The following TMEM135 variants were observed in gnomAD, a reference collection of about 807,000 sequenced individuals.
TMEM135 encodes the protein peroxisomal membrane protein 52.
A neutral mutation model predicts 60.3 loss-of-function variants in TMEM135; 30 were observed. The observed-to-expected ratio is 0.50, with a 90% confidence interval of 0.37 to 0.68. The LOEUF (loss-of-function observed/expected upper bound fraction) is 0.68, where lower values mean the gene tolerates loss of function less well. TMEM135 is among the 30% of genes least tolerant of loss of function. The probability of loss-of-function intolerance (pLI) is 0.00; values close to 1 mark genes in which losing one functional copy is unlikely to be tolerated. For synonymous variants in TMEM135, 190 were observed against 186.7 expected (o/e 1.02, Z -0.14); for missense variants, 468 against 548.8 (o/e 0.85, Z 1.47).
At chr11:87,112,433 T>C (rs759125901) in intron 4 of TMEM135, among the ~76,000 whole-genome samples, 5 of 152,162 alleles carry the variant, frequency 3.3e-5, no homozygotes, top group Non-Finnish European at 7.4e-5. Context: ...AGAGTTTTTA[T>C]CATTTGTATG....
chr11:87,056,351 T>C (rs1275437094), intron 1 of TMEM135, among the ~76,000 whole-genome samples: 1 of 152,172 alleles, frequency 6.6e-6, no homozygotes, highest in Non-Finnish European at 1.5e-5. Flanking sequence ...TGAACACCTC[T>C]AACACCTCTG....
At chr11:87,129,213 A>ATTTTTTTTTTTTTTTTTTTTTTTT (rs71040295) in intron 4 of TMEM135, among the ~76,000 whole-genome samples, 5 of 116,266 alleles carry the variant, frequency 4.3e-5, no homozygotes, top group Non-Finnish European at 7.5e-5. Flanking sequence ...TTATTCCTTA[A>ATTTTTTTTTTTTTTTTTTTTTTTT]TTTTTTTTTT....
rs377703798 is a variant in TMEM135, at chr11:87,071,284, G to T, written c.270-239G>T. 1.2e-4 allele frequency among the ~76,000 whole-genome samples: 18 copies of T among 152,276 alleles called. 1 individual carries two copies. Among genetic ancestry groups the T allele is most frequent in the African/African-American group, 4.3e-4 (18 of 41,566 alleles). ...TAAGGGAAACAAAGTTGAGGATGACGCCTGTCAAACATAAGTGGATAGGTG... is the reference window on the plus strand; with the variant it reads ...TAAGGGAAACAAAGTTGAGGATGACTCCTGTCAAACATAAGTGGATAGGTG... On this transcript the variant is annotated intron_variant, in intron 2 of 14. Coordinates refer to ENST00000305494, the MANE Select transcript of TMEM135 (RefSeq NM_022918.4).
chr11:87,228,203 G>A (rs914697010), intron 5 of TMEM135, among the ~76,000 whole-genome samples: 2 of 152,150 alleles, frequency 1.3e-5, no homozygotes, highest in Admixed American at 1.3e-4. Context: ...CAAGAATCAA[G>A]TATTAGGTAG....
intron 4 of TMEM135, among the ~76,000 whole-genome samples, chr11:87,147,605 C>T (rs1229026880): frequency 1.3e-5 from 2 of 152,136 alleles, no homozygotes; most frequent in African/African-American, 4.8e-5. Flanking sequence ...CTGTTATCAC[C>T]TCAGCATACA....
chr11:87,252,086 G>A (rs1186983075), intron 6 of TMEM135, among the ~76,000 whole-genome samples: 1 of 151,966 alleles, frequency 6.6e-6, no homozygotes, highest in Non-Finnish European at 1.5e-5. Flanking sequence ...AAAAAGATAG[G>A]GCCATTTGCT....
intron 1 of TMEM135, among the ~76,000 whole-genome samples, chr11:87,063,667 A>G (rs1395205623): frequency 6.6e-6 from 1 of 152,196 alleles, no homozygotes; most frequent in Non-Finnish European, 1.5e-5. Flanking sequence ...GGCCTGGCTA[A>G]CTAGACTACT....
At chr11:87,043,270 T>C (rs1949766672) in intron 1 of TMEM135, among the ~76,000 whole-genome samples, 1 of 152,038 alleles carries the variant, frequency 6.6e-6, no homozygotes, top group Non-Finnish European at 1.5e-5. Flanking sequence ...CTGTAGTTTT[T>C]TTAAAAAGCA....
chr11:87,311,107 C>CTATA (rs10572803), intron 10 of TMEM135, among the ~76,000 whole-genome samples: 1 of 148,480 alleles, frequency 6.7e-6, no homozygotes, highest in African/African-American at 2.5e-5. Flanking sequence ...ATATATATGT[C>CTATA]TATATATATA....
intron 1 of TMEM135, among the ~76,000 whole-genome samples, chr11:87,059,307 C>CTTTT (rs774797136): frequency 8.3e-4 from 112 of 134,644 alleles, no homozygotes; most frequent in Non-Finnish European, 1.6e-3. Context: ...GTTTGAAGTT[C>CTTTT]TTTTTTTTTT....
At chr11:87,101,727 C>A (rs1024239953) in intron 4 of TMEM135, among the ~76,000 whole-genome samples, 1 of 152,160 alleles carries the variant, frequency 6.6e-6, no homozygotes, top group African/African-American at 2.4e-5. Flanking sequence ...ATAATCCCAG[C>A]ACTTTGGGAG....
chr11:87,282,567 A>G (rs1475445391), intron 6 of TMEM135, among the ~76,000 whole-genome samples: 1 of 152,126 alleles, frequency 6.6e-6, no homozygotes, highest in Non-Finnish European at 1.5e-5. Flanking sequence ...CATCCGGCCA[A>G]CACTGGTTTC....
intron 4 of TMEM135, among the ~76,000 whole-genome samples, chr11:87,103,132 A>G (rs1037346771): frequency 2.6e-5 from 4 of 152,204 alleles, no homozygotes; most frequent in African/African-American, 9.6e-5. Flanking sequence ...TGGAGTGAAC[A>G]TGGGAATGAA....
chr11:87,112,766 T>A (rs2512333), intron 4 of TMEM135, among the ~76,000 whole-genome samples: 83,355 of 151,664 alleles, frequency 0.55, 23,726 homozygotes, highest in East Asian at 0.71. Flanking sequence ...TGATACAGGT[T>A]CTTATCATTT....
At chr11:87,165,513 T>G (rs1310867335) in intron 5 of TMEM135, among the ~76,000 whole-genome samples, 1 of 143,184 alleles carries the variant, frequency 7.0e-6, no homozygotes, top group Non-Finnish European at 1.5e-5. Flanking sequence ...TTTTTTGTTG[T>G]GTCTCTGCCT....
At position 87,066,004 on chromosome 11, in the gene TMEM135, G is replaced by T. The variant is rs77349411; in HGVS notation, c.142-1690G>T. On this transcript the variant is annotated intron_variant, in intron 1 of 14. Transcript: ENST00000305494. ...ATTGGGTCTTATTCATCATTGTTTT[G>T]CCTGTGTATGAGAGTTGAATCGAAG... Among the ~76,000 whole-genome samples, 375 of 152,252 alleles carry T rather than the reference G, an allele frequency of 2.5e-3. 1 individual carries two copies. Among genetic ancestry groups the T allele is most frequent in the Non-Finnish European group, 3.2e-3 (220 of 68,016 alleles).
At chr11:87,134,586 A>G (rs762794448) in intron 4 of TMEM135, among the ~76,000 whole-genome samples, 91 of 152,160 alleles carry the variant, frequency 6.0e-4, no homozygotes, top group Non-Finnish European at 1.1e-3. Context: ...GGCTCAGATG[A>G]TCCTTTCACC....
At chr11:87,114,713 G>C (rs1035960893) in intron 4 of TMEM135, among the ~76,000 whole-genome samples, 1 of 152,162 alleles carries the variant, frequency 6.6e-6, no homozygotes, top group African/African-American at 2.4e-5. Context: ...CATTATAACA[G>C]TTAAGCTGCT....
At chr11:87,259,262 G>A in intron 6 of TMEM135, 1 of 412,196 alleles carries the variant, frequency 2.4e-6, no homozygotes. Flanking sequence ...CAGCGGCCAT[G>A]GCTGTAGGGG....
Sources: gnomAD v4.1 joint callset for allele counts (sites outside exome capture counted in the v4.1 genomes callset) on GRCh38, gnomAD v4.1.1 for gene constraint, MANE v1.5 for transcripts, NCBI Gene and HGNC (gene_info 2026-07-23, HGNC 2026-07-21) for gene names.